ELAVL2: variants seen among roughly 807,000 people sequenced by gnomAD.
ELAVL2 encodes ELAV like RNA binding protein 2.
Under a neutral mutation model 34.6 loss-of-function variants are expected in ELAVL2, and 4 were observed. The observed-to-expected ratio is 0.12, with a 90% CI of 0.06 to 0.26. The LOEUF (loss-of-function observed/expected upper bound fraction) is 0.26, where lower values mean the gene tolerates loss of function less well. Ranked by LOEUF, ELAVL2 falls within the 10% of genes least tolerant of loss-of-function variation. The probability of loss-of-function intolerance (pLI) is 1.00; values close to 1 mark genes in which losing one functional copy is unlikely to be tolerated. For missense variants in ELAVL2, 432 were observed against 442.8 expected (o/e 0.98, Z 0.22); for synonymous variants, 193 against 154.8 (o/e 1.25, Z -1.83).
At chr9:23,699,191 C>G (rs1487108938) in intron 5 of ELAVL2, among the ~76,000 whole-genome samples, 1 of 152,082 alleles carries the variant, frequency 6.6e-6, no homozygotes, top group African/African-American at 2.4e-5. Context: ...AAGCTTTACT[C>G]AACCAAAAAT....
chr9:23,801,463 T>C (rs917546108), intron 1 of ELAVL2, among the ~76,000 whole-genome samples: 27 of 152,288 alleles, frequency 1.8e-4, no homozygotes, highest in African/African-American at 6.0e-4. Context: ...ATATAAAGTG[T>C]GTCTTTGCCT....
chr9:23,725,416 T>G (rs2044842358), intron 3 of ELAVL2, among the ~76,000 whole-genome samples: 1 of 152,164 alleles, frequency 6.6e-6, no homozygotes, highest in South Asian at 2.1e-4. Context: ...TTATGGCTAT[T>G]AGAGCCACTC....
At chr9:23,702,966 A>AAAAAAC (rs2037886252) in intron 4 of ELAVL2, among the ~76,000 whole-genome samples, 1 of 143,014 alleles carries the variant, frequency 7.0e-6, no homozygotes, top group East Asian at 2.0e-4. Flanking sequence ...AAAAAAAAAA[A>AAAAAAC]AAAAAAAAAA....
At chr9:23,697,267 G>A (rs1217037432) in intron 5 of ELAVL2, among the ~76,000 whole-genome samples, 2 of 152,122 alleles carry the variant, frequency 1.3e-5, no homozygotes, top group African/African-American at 2.4e-5. Context: ...AAGTAAATAA[G>A]GAAAGGGAGA....
chr9:23,757,356 C>T (rs1028102999), intron 2 of ELAVL2, among the ~76,000 whole-genome samples: 1 of 151,974 alleles, frequency 6.6e-6, no homozygotes, highest in Non-Finnish European at 1.5e-5. Context: ...AAAGAGGAAA[C>T]ATCCAGGTAA....
chr9:23,794,518 T>A (rs2137355747), intron 1 of ELAVL2, among the ~76,000 whole-genome samples: 1 of 152,346 alleles, frequency 6.6e-6, no homozygotes, highest in Non-Finnish European at 1.5e-5. Flanking sequence ...CCATACTGGA[T>A]AGACAGCCCC....
At position 23,706,744 on chromosome 9, in the gene ELAVL2, C is replaced by A. The variant is rs7027007; in HGVS notation, c.334-1673G>T. Among the ~76,000 whole-genome samples the A allele has an allele frequency of 1.8e-3, 274 of 152,278 alleles. 1 individual carries two copies. Among genetic ancestry groups the A allele is most frequent in the African/African-American group, 6.0e-3 (251 of 41,542 alleles). ...CACCTTTAATCCAGTTAACAACAAA[C>A]TTTCCCAATTTACACTAATACTTAA... On this transcript the variant is annotated intron_variant, in intron 3 of 6. Transcript: ENST00000397312.
intron 2 of ELAVL2, among the ~76,000 whole-genome samples, chr9:23,753,747 T>C (rs994767701): frequency 6.6e-6 from 1 of 151,988 alleles, no homozygotes; most frequent in Non-Finnish European, 1.5e-5. Context: ...ATACCACCAA[T>C]CTCCTGATGC....
At chr9:23,708,055 TTC>T (rs1290296711) in intron 3 of ELAVL2, among the ~76,000 whole-genome samples, 2 of 144,022 alleles carry the variant, frequency 1.4e-5, no homozygotes, top group Non-Finnish European at 1.5e-5. Flanking sequence ...GATTTTTTTT[TTC>T]CCCAATGTCC....
At chr9:23,838,981 A>G in the ELAVL2 span, among the ~76,000 whole-genome samples, 2 of 152,118 alleles carry the variant, frequency 1.3e-5, no homozygotes, top group African/African-American at 4.8e-5. Context: ...AGAATGGAAA[A>G]CTGGCTCAAT....
At chr9:23,809,735 G>C (rs1410911539) in intron 1 of ELAVL2, among the ~76,000 whole-genome samples, 1 of 152,086 alleles carries the variant, frequency 6.6e-6, no homozygotes, top group East Asian at 1.9e-4. Flanking sequence ...GAGAGATCAA[G>C]TAATGAAAAA....
chr9:23,734,938 T>C (rs2047457403), intron 2 of ELAVL2, among the ~76,000 whole-genome samples: 1 of 151,714 alleles, frequency 6.6e-6, no homozygotes, highest in South Asian at 2.1e-4. Flanking sequence ...AAACCTATTT[T>C]TCAAGTCTCT....
chr9:23,738,168 C>T (rs1486724009), intron 2 of ELAVL2, among the ~76,000 whole-genome samples: 1 of 152,224 alleles, frequency 6.6e-6, no homozygotes, highest in Non-Finnish European at 1.5e-5. Flanking sequence ...CACCAGACTT[C>T]ACAAAGGAGC....
chr9:23,804,617 T>A (rs1018605540), intron 1 of ELAVL2, among the ~76,000 whole-genome samples: 2 of 152,212 alleles, frequency 1.3e-5, no homozygotes, highest in Admixed American at 6.5e-5. Flanking sequence ...AATTTAAAGA[T>A]AGAAATTGCT....
intron 3 of ELAVL2, among the ~76,000 whole-genome samples, chr9:23,726,781 G>A (rs1028376479): frequency 4.0e-5 from 6 of 149,658 alleles, no homozygotes; most frequent in Admixed American, 3.4e-4. Flanking sequence ...AAAAGTATTG[G>A]CTTTAAGCCA....
At chr9:23,728,405 C>T (rs116290221) in intron 3 of ELAVL2, among the ~76,000 whole-genome samples, 4 of 152,142 alleles carry the variant, frequency 2.6e-5, no homozygotes, top group African/African-American at 7.2e-5. Context: ...TATGCATGGA[C>T]GCTGGGAGTA....
the ELAVL2 span, among the ~76,000 whole-genome samples, chr9:23,834,735 C>G: frequency 6.6e-6 from 1 of 151,948 alleles, no homozygotes; most frequent in Non-Finnish European, 1.5e-5. Context: ...TAATTGCAAC[C>G]AAGTTTAAAA....
intron 1 of ELAVL2, among the ~76,000 whole-genome samples, chr9:23,767,213 T>TA (rs1208008085): frequency 6.6e-6 from 1 of 152,222 alleles, no homozygotes; most frequent in African/African-American, 2.4e-5. Context: ...TAAAGACTTC[T>TA]AAACTTTTTA....
rs752876137 is a variant in ELAVL2 at position 23,701,528 on chromosome 9, G to C, written c.564C>G (p.Gly188=). 6.2e-7 allele frequency: 1 copy of C among 1,614,056 alleles called. No individual in the cohort carries two copies. The highest frequency in any genetic ancestry group is 8.5e-7 in the Non-Finnish European group (1 of 1,179,988). ...GCTCCGTGGCACCGGGAGGTTTCTG[G>C]CCATTTAGGCCTTTGATAGCTTCTT... is the stretch of plus-strand genomic sequence containing the variant. ...EAEEAIKGLN[G]QKPPGATEPI... Residue 188 remains glycine, a synonymous_variant, in exon 5 of 7, where the codon GGC becomes GGG. Coordinates refer to ENST00000397312, the MANE Select transcript of ELAVL2 (RefSeq NM_004432.5).
Sources: allele counts gnomAD v4.1 joint callset (sites outside exome capture counted in the v4.1 genomes callset), GRCh38; gene constraint gnomAD v4.1.1; transcripts MANE v1.5; gene names NCBI Gene and HGNC (gene_info 2026-07-23, HGNC 2026-07-21).